The following SLC9A7 variants were observed in gnomAD, a reference collection of about 807,000 sequenced individuals.
SLC9A7 encodes the protein solute carrier family 9 member A7.
A neutral mutation model predicts 52.6 loss-of-function variants in SLC9A7; 19 were observed. The ratio of observed to expected loss-of-function variants is 0.36; its 90% CI spans 0.25 to 0.53. SLC9A7 has a LOEUF of 0.53. SLC9A7 is among the 20% of genes least tolerant of loss of function. The probability of loss-of-function intolerance (pLI) is 0.91; values close to 1 mark genes in which losing one functional copy is unlikely to be tolerated. For missense variants in SLC9A7, 455 were observed against 597.9 expected (o/e 0.76, Z 2.49); for synonymous variants, 226 against 252.1 (o/e 0.90, Z 0.98).
At chrX:46,672,942 C>T (rs1342436537) in intron 3 of SLC9A7, among the ~76,000 whole-genome samples, 1 of 112,099 alleles carries the variant, frequency 8.9e-6, no homozygotes, top group Admixed American at 9.5e-5. Context: ...GTAGACCAAT[C>T]ATTTTTACAG....
intron 3 of SLC9A7, among the ~76,000 whole-genome samples, chrX:46,672,982 A>T (rs1944049647): frequency 8.9e-6 from 1 of 112,224 alleles, no homozygotes; most frequent in African/African-American, 3.2e-5. Context: ...ACTCAGTGAT[A>T]CAGCACGTCA....
Position 46,606,383 on chromosome X carries a change from CA to C in SLC9A7, c.*568del. On this transcript the variant is annotated 3_prime_UTR_variant, in exon 17 of 17. Coordinates refer to ENST00000616978, the MANE Select transcript of SLC9A7 (RefSeq NM_001257291.2). ...TCAAATCTTCAGTCTAGAAAAAACA[CA>C]GGCAGCATAAAGTCAGGAATCCTGA... The C allele has an allele frequency of 1.3e-6, 1 of 755,552 alleles. No homozygotes were observed. Among genetic ancestry groups the C allele is most frequent in the Non-Finnish European group, 1.6e-6 (1 of 640,033 alleles). 62.3% of individuals were successfully genotyped at this position (755,552 alleles called of 1,213,427 possible). A position where few individuals can be genotyped will look rare whatever the true frequency, so the allele number is the denominator to read the frequency against.
At chrX:46,753,154 A>G (rs1922360930) in intron 1 of SLC9A7, among the ~76,000 whole-genome samples, 1 of 112,251 alleles carries the variant, frequency 8.9e-6, no homozygotes. Flanking sequence ...CTGTTTATAA[A>G]GCATTTTTTT....
intron 1 of SLC9A7, among the ~76,000 whole-genome samples, chrX:46,717,020 G>C (rs141303196): frequency 8.9e-6 from 1 of 112,099 alleles, no homozygotes; most frequent in Admixed American, 9.5e-5. Context: ...CAGAATAACC[G>C]CATTTTCCTA....
chrX:46,658,322 CA>C (rs1275240395), intron 7 of SLC9A7, among the ~76,000 whole-genome samples: 2,541 of 96,086 alleles, frequency 0.026, 87 homozygotes, highest in East Asian at 0.1. Flanking sequence ...ACTAGAAAAG[CA>C]AGAGCAAACA....
At position 46,684,098 on chromosome X, in the gene SLC9A7, AT is replaced by A. The variant is rs761008767; in HGVS notation, c.326-1564del. On this transcript the variant is annotated intron_variant, in intron 1 of 16. Transcript: ENST00000616978. ...TGTTGACTTGTAATAAAACAACTTG[AT>A]TTTTTTTACAACTTAAAAATGAGTT... Among the ~76,000 whole-genome samples, 7 of 112,462 alleles carry A rather than the reference AT, an allele frequency of 6.2e-5. No homozygotes were observed. The East Asian group carries it at 1.9e-3, about 31-fold the overall frequency.
intron 10 of SLC9A7, 112 bp from the exon 11 acceptor site, chrX:46,648,909 G>T: frequency 1.9e-6 from 1 of 523,899 alleles, no homozygotes. Flanking sequence ...TTATAGTCCA[G>T]AGAGCTGCCC....
chrX:46,727,853 C>T (rs1222991646), intron 1 of SLC9A7, among the ~76,000 whole-genome samples: 1 of 112,156 alleles, frequency 8.9e-6, no homozygotes, highest in Non-Finnish European at 1.9e-5. Context: ...ACGTCTCCTG[C>T]AATATCATTT....
intron 1 of SLC9A7, among the ~76,000 whole-genome samples, chrX:46,724,321 C>T (rs1433419005): frequency 9.0e-6 from 1 of 111,640 alleles, no homozygotes; most frequent in Non-Finnish European, 1.9e-5. Context: ...GAATAGACTA[C>T]TCAGTAGTTA....
intron 1 of SLC9A7, among the ~76,000 whole-genome samples, chrX:46,728,032 G>A (rs1169339213): frequency 8.9e-6 from 1 of 111,867 alleles, no homozygotes; most frequent in African/African-American, 3.2e-5. Context: ...CTTTATTATT[G>A]TAAGAATAAA....
At chrX:46,658,618 T>G (rs1282831737) in intron 7 of SLC9A7, among the ~76,000 whole-genome samples, 1 of 109,769 alleles carries the variant, frequency 9.1e-6, no homozygotes, top group African/African-American at 3.3e-5. Flanking sequence ...AACTAGAAAA[T>G]CTAGAAGAAA....
At chrX:46,673,634 G>C (rs952134948) in intron 3 of SLC9A7, among the ~76,000 whole-genome samples, 7 of 112,173 alleles carry the variant, frequency 6.2e-5, no homozygotes, top group Non-Finnish European at 9.4e-5. Context: ...AAAGGCAGGA[G>C]AGCCCCAGCA....
At chrX:46,646,102 GT>G (rs1290374851) in intron 11 of SLC9A7, among the ~76,000 whole-genome samples, 1 of 110,348 alleles carries the variant, frequency 9.1e-6, no homozygotes, top group Admixed American at 9.6e-5. Flanking sequence ...TTTTGTTTTT[GT>G]TTTTTTACAT....
chrX:46,712,980 T>G (rs1944713334), intron 1 of SLC9A7, among the ~76,000 whole-genome samples: 1 of 112,248 alleles, frequency 8.9e-6, no homozygotes, highest in South Asian at 3.6e-4. Context: ...CTAGACTTTT[T>G]GTTATTGTAA....
intron 1 of SLC9A7, among the ~76,000 whole-genome samples, chrX:46,731,869 T>C (rs1361318341): frequency 1.8e-5 from 2 of 111,143 alleles, no homozygotes; most frequent in Non-Finnish European, 3.8e-5. Context: ...AAAATACGAA[T>C]GGCCCTTAAA....
chrX:46,726,743 C>G (rs1057162270), intron 1 of SLC9A7, among the ~76,000 whole-genome samples: 2 of 111,602 alleles, frequency 1.8e-5, no homozygotes, highest in African/African-American at 6.5e-5. Context: ...TCAGGGACCG[C>G]AGCTTCATCT....
chrX:46,636,656 T>C (rs1049174689), intron 12 of SLC9A7, among the ~76,000 whole-genome samples: 1 of 109,694 alleles, frequency 9.1e-6, no homozygotes, highest in African/African-American at 3.3e-5. Context: ...AAAAAACCAC[T>C]CAGATATTAT....
intron 12 of SLC9A7, among the ~76,000 whole-genome samples, chrX:46,642,444 G>A (rs1035056490): frequency 8.0e-5 from 9 of 112,238 alleles, no homozygotes; most frequent in Non-Finnish European, 1.5e-4. Context: ...TGTGCAGCAC[G>A]ACACCTACAG....
At chrX:46,616,231 G>A (rs1454000724) in intron 15 of SLC9A7, among the ~76,000 whole-genome samples, 2 of 104,671 alleles carry the variant, frequency 1.9e-5, no homozygotes, top group Non-Finnish European at 3.9e-5. Context: ...AAGGTGGGAG[G>A]ATCACTTGAG....
Sources: allele counts gnomAD v4.1 joint callset (sites outside exome capture counted in the v4.1 genomes callset), GRCh38; gene constraint gnomAD v4.1.1; transcripts MANE v1.5; gene names NCBI Gene and HGNC (gene_info 2026-07-23, HGNC 2026-07-21).